Variants in GABRR3 observed in about 807,000 individuals in gnomAD.
The protein encoded by GABRR3 is gamma-aminobutyric acid type A receptor subunit rho3.
A neutral mutation model predicts 43.2 loss-of-function variants in GABRR3; 29 were observed. The ratio of observed to expected loss-of-function variants is 0.67; its 90% CI spans 0.50 to 0.92. The LOEUF (loss-of-function observed/expected upper bound fraction) is 0.92, where lower values mean the gene tolerates loss of function less well. Among genes scored for constraint, GABRR3 ranks in the 40% least tolerant of loss-of-function variants. The pLI is 0.00. For synonymous variants in GABRR3, 206 were observed against 195.9 expected (o/e 1.05, Z -0.43); for missense variants, 576 against 572.3 (o/e 1.01, Z -0.07).
intron 9 of GABRR3, among the ~76,000 whole-genome samples, chr3:97,989,511 G>A (rs1388198337): frequency 6.6e-6 from 1 of 151,630 alleles, no homozygotes; most frequent in Non-Finnish European, 1.5e-5. Flanking sequence ...GGATGATGGT[G>A]GGTGGTGGAT....
intron 2 of GABRR3, among the ~76,000 whole-genome samples, chr3:98,031,128 A>G (rs1429391613): frequency 6.6e-6 from 1 of 152,178 alleles, no homozygotes; most frequent in Non-Finnish European, 1.5e-5. Context: ...CTTTTTCAAT[A>G]GCCTGTCTCT....
chr3:97,992,168 C>T (rs1214910949), intron 9 of GABRR3, among the ~76,000 whole-genome samples: 2 of 152,184 alleles, frequency 1.3e-5, no homozygotes, highest in Admixed American at 1.3e-4. Flanking sequence ...ACATTTAGAG[C>T]CCAGAAGGCA....
At chr3:97,985,395 A>G (rs1449731844), downstream of GABRR3, among the ~76,000 whole-genome samples, 2 of 152,224 alleles carry the variant, frequency 1.3e-5, no homozygotes, top group East Asian at 3.8e-4. Flanking sequence ...CACTCAATAC[A>G]ATATCTGGAA....
exon 7 of GABRR3, chr3:98,007,778 A>C: frequency 6.2e-7 from 1 of 1,613,694 alleles, no homozygotes; most frequent in Non-Finnish European, 8.5e-7. Context: ...GCTGCTATAG[A>C]AAGCTAATCC....
chr3:98,001,896 T>C (rs1477151628), intron 7 of GABRR3, 129 bp from the exon 8 acceptor site: 4 of 892,172 alleles, frequency 4.5e-6, no homozygotes, highest in Non-Finnish European at 6.9e-6. Flanking sequence ...CATCTCCATT[T>C]AGTTGGGCCT....
At chr3:97,986,694 C>A in exon 10 of GABRR3, 1 of 1,540,286 alleles carries the variant, frequency 6.5e-7, no homozygotes, top group Non-Finnish European at 8.8e-7. Context: ...CATACATATA[C>A]ACCCCAGTAA....
At chr3:98,005,830 T>C (rs1706717390) in intron 7 of GABRR3, among the ~76,000 whole-genome samples, 1 of 152,192 alleles carries the variant, frequency 6.6e-6, no homozygotes, top group Non-Finnish European at 1.5e-5. Context: ...GTTCTGTGCA[T>C]GAGACAATTC....
Position 98,032,273 on chromosome 3 carries a change from C to A in GABRR3, c.125+2590G>T, listed in dbSNP as rs368752444. Among the ~76,000 whole-genome samples the A allele has an allele frequency of 1.6e-4, 25 of 152,204 alleles. No homozygotes were observed. The East Asian group carries it at 4.1e-3, about 25-fold the overall frequency. On this transcript the variant is annotated intron_variant, in intron 2 of 9. Transcript: ENST00000621172. ...TTTTAGAAAGTATTTAATTTAATTG[C>A]AGGCTTATATAATTTATTTTTTAAT...
At chr3:97,989,259 G>A (rs1706430902) in intron 9 of GABRR3, among the ~76,000 whole-genome samples, 1 of 150,724 alleles carries the variant, frequency 6.6e-6, no homozygotes, top group Admixed American at 6.6e-5. Context: ...TGATGATGGT[G>A]TTGGGTGGTG....
At chr3:97,989,211 T>TTGGTGGATGGTGG (rs1188993144) in intron 9 of GABRR3, among the ~76,000 whole-genome samples, 4 of 139,334 alleles carry the variant, frequency 2.9e-5, no homozygotes, top group Non-Finnish European at 4.7e-5. Flanking sequence ...GGTGGTGGTG[T>TTGGTGGATGGTGG]TGGTGGATGG....
intron 2 of GABRR3, among the ~76,000 whole-genome samples, chr3:98,029,734 G>A (rs116007859): frequency 0.024 from 3,607 of 152,190 alleles, 138 homozygotes; most frequent in African/African-American, 0.082. Context: ...GGGGTCAAGA[G>A]TGTGATACCA....
At chr3:98,023,810 C>T (rs1001033307) in intron 3 of GABRR3, among the ~76,000 whole-genome samples, 11 of 152,202 alleles carry the variant, frequency 7.2e-5, no homozygotes, top group Admixed American at 5.9e-4. Flanking sequence ...TCATCTGATG[C>T]TGATCACCTA....
At chr3:97,985,408 A>G (rs1234356879), downstream of GABRR3, among the ~76,000 whole-genome samples, 4 of 152,246 alleles carry the variant, frequency 2.6e-5, no homozygotes. Context: ...ATCTGGAAGC[A>G]TCTCCAGTTG....
At chr3:98,007,936 T>C in intron 6 of GABRR3, 32 bp from the exon 7 acceptor site, 2 of 1,521,648 alleles carry the variant, frequency 1.3e-6, no homozygotes, top group Non-Finnish European at 1.8e-6. Flanking sequence ...CTTGTAAGTG[T>C]AATAAGCTCT....
At chr3:98,026,638 ATC>A (rs1707022376) in intron 2 of GABRR3, among the ~76,000 whole-genome samples, 1 of 151,926 alleles carries the variant, frequency 6.6e-6, no homozygotes, top group Non-Finnish European at 1.5e-5. Flanking sequence ...CATCATCATC[ATC>A]ATCATCATCG....
intron 8 of GABRR3, chr3:97,998,478 C>A (rs1433781664): frequency 6.6e-6 from 1 of 152,000 alleles, no homozygotes; most frequent in Non-Finnish European, 1.5e-5. Context: ...ATAAGATAGA[C>A]CAATGGATTG....
intron 8 of GABRR3, chr3:97,999,686 G>T (rs1395581381): frequency 6.6e-6 from 1 of 152,102 alleles, no homozygotes; most frequent in Non-Finnish European, 1.5e-5. Context: ...TGTGTAGTTG[G>T]TTTCATCCAA....
At chr3:98,017,174 T>C (rs2107242778) in intron 4 of GABRR3, among the ~76,000 whole-genome samples, 1 of 152,312 alleles carries the variant, frequency 6.6e-6, no homozygotes, top group East Asian at 1.9e-4. Context: ...AAATTTTTAG[T>C]CCCATGAACT....
chr3:98,029,992 G>A lies in GABRR3; in HGVS notation c.126-4313C>T, dbSNP rs139589892. 4.8e-4 allele frequency among the ~76,000 whole-genome samples: 73 copies of A among 151,910 alleles called. No individual in the cohort carries two copies. The Middle Eastern group carries it at 0.014, about 28-fold the overall frequency. On this transcript the variant is annotated intron_variant, in intron 2 of 9. Coordinates refer to ENST00000621172, the Ensembl canonical transcript of GABRR3. ...TAGCCAGGTGTGGTGGTGGGAGCCT[G>A]TAATTTCATCTACTCAGGAGGCCGA...
Sources: allele counts gnomAD v4.1 joint callset (sites outside exome capture counted in the v4.1 genomes callset), GRCh38; gene constraint gnomAD v4.1.1; transcripts MANE v1.5; gene names NCBI Gene and HGNC (gene_info 2026-07-23, HGNC 2026-07-21).